Variants in OPCML observed in about 807,000 individuals in gnomAD.
OPCML encodes opioid binding protein/cell adhesion molecule like.
A neutral mutation model predicts 37.8 loss-of-function variants in OPCML; 13 were observed. That is an observed-to-expected ratio of 0.34 (90% CI 0.22 to 0.55). OPCML has a LOEUF of 0.55. Among genes scored for constraint, OPCML ranks in the 20% least tolerant of loss-of-function variants. The probability of loss-of-function intolerance (pLI) is 0.91; values close to 1 mark genes in which losing one functional copy is unlikely to be tolerated. For synonymous variants in OPCML, 176 were observed against 168.8 expected, an observed-to-expected ratio of 1.04 and a Z score of -0.33; for missense variants, 341 against 435.6, an observed-to-expected ratio of 0.78 and a Z score of 1.93.
At chr11:132,553,718 ATATT>A (rs1188561085) in intron 3 of OPCML, among the ~76,000 whole-genome samples, 1 of 152,238 alleles carries the variant, frequency 6.6e-6, no homozygotes. Flanking sequence ...GTTATCTAGA[ATATT>A]CACTCATTCG....
At chr11:132,694,693 A>G (rs1374787799) in intron 2 of OPCML, among the ~76,000 whole-genome samples, 1 of 152,210 alleles carries the variant, frequency 6.6e-6, no homozygotes, top group Admixed American at 6.5e-5. Flanking sequence ...GATAAAACAC[A>G]TCTTTCTAGA....
chr11:133,068,468 G>A (rs1401147619), intron 1 of OPCML, among the ~76,000 whole-genome samples: 1 of 152,196 alleles, frequency 6.6e-6, no homozygotes, highest in Non-Finnish European at 1.5e-5. Flanking sequence ...CCTTCTTCCA[G>A]TACATTCTTC....
At chr11:132,848,427 A>G (rs1245855311) in intron 2 of OPCML, among the ~76,000 whole-genome samples, 1 of 152,216 alleles carries the variant, frequency 6.6e-6, no homozygotes, top group African/African-American at 2.4e-5. Context: ...AGACATTCCA[A>G]GCAAGCTCAT....
intron 1 of OPCML, among the ~76,000 whole-genome samples, chr11:133,041,456 A>G (rs1480758583): frequency 2.6e-5 from 4 of 152,250 alleles, no homozygotes; most frequent in South Asian, 4.2e-4. Flanking sequence ...CACCCTCTGC[A>G]GTCTCTCTGC....
intron 1 of OPCML, among the ~76,000 whole-genome samples, chr11:133,494,276 C>A (rs1458874257): frequency 6.6e-6 from 1 of 151,798 alleles, no homozygotes; most frequent in Non-Finnish European, 1.5e-5. Flanking sequence ...GTTGGTGGGA[C>A]TGTAAACTAG....
intron 3 of OPCML, among the ~76,000 whole-genome samples, chr11:132,531,930 T>G (rs951385589): frequency 2.0e-5 from 3 of 152,012 alleles, no homozygotes; most frequent in African/African-American, 7.2e-5. Flanking sequence ...TTGTCTTAAT[T>G]TTTTTTCAGA....
chr11:132,835,720 A>T (rs1386461774), intron 2 of OPCML, among the ~76,000 whole-genome samples: 2 of 152,314 alleles, frequency 1.3e-5, no homozygotes, highest in East Asian at 3.9e-4. Flanking sequence ...CTTGCTTTTG[A>T]TGGCCACATA....
intron 4 of OPCML, among the ~76,000 whole-genome samples, chr11:132,519,409 C>T (rs2096287275): frequency 6.6e-6 from 1 of 152,018 alleles, no homozygotes; most frequent in African/African-American, 2.4e-5. Context: ...ATTGCTCTGC[C>T]ATCCTCCCGC....
chr11:133,077,297 G>A (rs1223203798), intron 1 of OPCML, among the ~76,000 whole-genome samples: 1 of 151,942 alleles, frequency 6.6e-6, no homozygotes, highest in African/African-American at 2.4e-5. Context: ...TCATCACACG[G>A]AGTCAGGTTC....
intron 3 of OPCML, among the ~76,000 whole-genome samples, chr11:132,594,274 ATT>A (rs2096489099): frequency 6.6e-6 from 1 of 152,172 alleles, no homozygotes; most frequent in Non-Finnish European, 1.5e-5. Context: ...TTAACATGAC[ATT>A]TTTCACTTAC....
chr11:133,457,835 C>T (rs1475389859), intron 1 of OPCML, among the ~76,000 whole-genome samples: 2 of 152,022 alleles, frequency 1.3e-5, no homozygotes, highest in Non-Finnish European at 2.9e-5. Flanking sequence ...AGAAACAACA[C>T]TCAAAACTCT....
chr11:133,212,094 G>T lies in OPCML; in HGVS notation c.62-269084C>A, dbSNP rs528074451. 1.5e-3 allele frequency among the ~76,000 whole-genome samples: 224 copies of T among 152,244 alleles called. 1 individual carries two copies. The highest frequency in any genetic ancestry group is 5.3e-3 in the African/African-American group (219 of 41,528). ...AAAGGGGTGGGGTTACACCTGCATAGTGAGGTGGGGGGTCAGGATCCTTCA... is the reference window on the plus strand; with the variant it reads ...AAAGGGGTGGGGTTACACCTGCATATTGAGGTGGGGGGTCAGGATCCTTCA... On this transcript the variant is annotated intron_variant, in intron 1 of 7. Coordinates refer to ENST00000524381, the MANE Select transcript of OPCML (RefSeq NM_001012393.5). The surrounding 1 kb of genome is among the most constrained non-coding windows in gnomAD (Gnocchi z 4.9).
At chr11:133,412,457 T>G (rs1945670919) in intron 1 of OPCML, among the ~76,000 whole-genome samples, 1 of 152,196 alleles carries the variant, frequency 6.6e-6, no homozygotes, top group Admixed American at 6.5e-5. Context: ...TGCAGAGCAC[T>G]TTAGAGGTGG....
intron 3 of OPCML, among the ~76,000 whole-genome samples, chr11:132,563,003 C>A (rs1013421337): frequency 2.6e-5 from 4 of 152,178 alleles, no homozygotes; most frequent in African/African-American, 9.6e-5. Context: ...TTGTTGTGTT[C>A]TGTATTCACT....
At chr11:132,583,309 G>GTTTC (rs2096466012) in intron 3 of OPCML, among the ~76,000 whole-genome samples, 1 of 151,906 alleles carries the variant, frequency 6.6e-6, no homozygotes, top group South Asian at 2.1e-4. Context: ...TTGTTTGTTT[G>GTTTC]TTTGTTTGAC....
intron 2 of OPCML, among the ~76,000 whole-genome samples, chr11:132,718,546 C>G (rs1326975019): frequency 1.3e-5 from 2 of 152,112 alleles, no homozygotes; most frequent in Non-Finnish European, 2.9e-5. Context: ...GGGTGAGTTC[C>G]CTAGGTCAGC....
intron 1 of OPCML, among the ~76,000 whole-genome samples, chr11:133,180,267 C>T (rs933948952): frequency 1.3e-5 from 2 of 152,130 alleles, no homozygotes; most frequent in African/African-American, 4.8e-5. Flanking sequence ...TCAGACCTGC[C>T]CAGACCTGGC....
intron 1 of OPCML, chr11:133,026,651 G>T: frequency 1.1e-6 from 1 of 896,812 alleles, no homozygotes. Context: ...GTTGTTTTGT[G>T]CATTGCCTGG....
At chr11:133,305,591 C>T (rs7122632) in intron 1 of OPCML, among the ~76,000 whole-genome samples, 27,461 of 152,122 alleles carry the variant, frequency 0.18, 2,669 homozygotes, top group South Asian at 0.32. Flanking sequence ...TTTCTAAGGC[C>T]AAATTTTGCC....
Sources: allele counts gnomAD v4.1 joint callset (sites outside exome capture counted in the v4.1 genomes callset), GRCh38; gene constraint gnomAD v4.1.1; non-coding constraint Gnocchi (gnomAD v3.1); transcripts MANE v1.5; gene names NCBI Gene and HGNC (gene_info 2026-07-23, HGNC 2026-07-21).